The following SLCO1B1 variants were observed in gnomAD, a reference collection of about 807,000 sequenced individuals.
SLCO1B1 encodes the protein solute carrier organic anion transporter family member 1B1.
In SLCO1B1, 81 loss-of-function variants were observed where a neutral mutation model predicts 70.1. The observed-to-expected ratio is 1.16, with a 90% CI of 0.97 to 1.39. The LOEUF (loss-of-function observed/expected upper bound fraction) is 1.39, where lower values mean the gene tolerates loss of function less well. Among genes scored for constraint, SLCO1B1 ranks in the 40% most tolerant of loss-of-function variants. The pLI is 0.00. For missense variants in SLCO1B1, 895 were observed against 799.6 expected (o/e 1.12, Z -1.44); for synonymous variants, 283 against 271.5 (o/e 1.04, Z -0.42).
chr12:21,175,924 A>G (rs1010887999), intron 4 of SLCO1B1, among the ~76,000 whole-genome samples: 1 of 152,142 alleles, frequency 6.6e-6, no homozygotes, highest in Non-Finnish European at 1.5e-5. Context: ...TAAATATGCC[A>G]TAATATGTGA....
intron 1 of SLCO1B1, among the ~76,000 whole-genome samples, chr12:21,134,343 C>G (rs1317167262): frequency 6.6e-6 from 1 of 152,142 alleles, no homozygotes; most frequent in Non-Finnish European, 1.5e-5. Context: ...TGATGCTGGC[C>G]TCATAAAATG....
At chr12:21,145,178 A>T (rs1940363816) in intron 2 of SLCO1B1, among the ~76,000 whole-genome samples, 1 of 152,226 alleles carries the variant, frequency 6.6e-6, no homozygotes, top group Admixed American at 6.5e-5. Context: ...ATGTATCATG[A>T]CATCCATAAG....
chr12:21,191,261 T>TG (rs1941026089), intron 7 of SLCO1B1, among the ~76,000 whole-genome samples: 1 of 151,944 alleles, frequency 6.6e-6, no homozygotes, highest in South Asian at 2.1e-4. Flanking sequence ...GTCCTTCAAT[T>TG]ATTAACACAG....
At chr12:21,198,322 A>G (rs926163742) in intron 8 of SLCO1B1, among the ~76,000 whole-genome samples, 1 of 152,124 alleles carries the variant, frequency 6.6e-6, no homozygotes, top group Non-Finnish European at 1.5e-5. Flanking sequence ...CTACAAGTAG[A>G]AGTTTGTTTT....
intron 14 of SLCO1B1, among the ~76,000 whole-genome samples, chr12:21,231,562 G>C (rs1941538483): frequency 6.6e-6 from 1 of 151,246 alleles, no homozygotes; most frequent in Non-Finnish European, 1.5e-5. Context: ...ACTCAAGTGA[G>C]AAAAATAAAT....
At chr12:21,222,449 AAATTT>A (rs1351037101) in intron 13 of SLCO1B1, 85 bp downstream of exon 13, 1 of 263,242 alleles carries the variant, frequency 3.8e-6, no homozygotes, top group African/African-American at 2.5e-5. Context: ...TACATATATT[AAATTT>A]AAGTTATAAA....
chr12:21,214,986 C>T (rs1008297086), intron 11 of SLCO1B1, among the ~76,000 whole-genome samples: 45 of 152,070 alleles, frequency 3.0e-4, no homozygotes, highest in Non-Finnish European at 4.6e-4. Flanking sequence ...TGAGATGAAC[C>T]CGGTACCTCA....
Position 21,211,546 on chromosome 12 carries a change from G to A in SLCO1B1, c.1497+5513G>A, listed in dbSNP as rs371409937. ...TCTTTTTTTGTTGTGTCTCTGCCTG[G>A]CTTTGGTATCAGAATGATGCTGGCC... On this transcript the variant is annotated intron_variant, in intron 11 of 14. Transcript: ENST00000256958. 7.8e-4 allele frequency among the ~76,000 whole-genome samples: 119 copies of A among 152,292 alleles called. No homozygotes were observed. In the East Asian group the frequency reaches 0.021, roughly 26 times the overall value.
At chr12:21,181,959 A>T (rs1008929814) in intron 7 of SLCO1B1, among the ~76,000 whole-genome samples, 2 of 152,232 alleles carry the variant, frequency 1.3e-5, no homozygotes, top group Non-Finnish European at 2.9e-5. Flanking sequence ...CAAATCTATT[A>T]TAAGAAATTA....
intron 2 of SLCO1B1, among the ~76,000 whole-genome samples, chr12:21,160,180 GC>G (rs1191673454): frequency 1.4e-5 from 2 of 145,534 alleles, no homozygotes; most frequent in African/African-American, 5.1e-5. Context: ...GACAATCTAA[GC>G]AAAAAGAATA....
intron 12 of SLCO1B1, among the ~76,000 whole-genome samples, chr12:21,220,762 G>A (rs1390770746): frequency 6.6e-6 from 1 of 151,206 alleles, no homozygotes; most frequent in Non-Finnish European, 1.5e-5. Context: ...AGGCTGCAGT[G>A]AGCCAAGATC....
chr12:21,138,773 A>AG (rs4149090), intron 1 of SLCO1B1, among the ~76,000 whole-genome samples: 136,332 of 152,082 alleles, frequency 0.9, 61,456 homozygotes, highest in South Asian at 0.97. Context: ...TACAACCAAG[A>AG]ATGGAGAATG....
intron 2 of SLCO1B1, among the ~76,000 whole-genome samples, chr12:21,151,392 C>T (rs1192223820): frequency 6.6e-6 from 1 of 152,092 alleles, no homozygotes; most frequent in Non-Finnish European, 1.5e-5. Context: ...CGTCATACCA[C>T]TTCATGGGTA....
chr12:21,164,695 G>C (rs1291592104), intron 2 of SLCO1B1, among the ~76,000 whole-genome samples: 3 of 151,968 alleles, frequency 2.0e-5, no homozygotes, highest in African/African-American at 7.3e-5. Context: ...TCACTTCTTA[G>C]GGGCTTTTCA....
At position 21,200,383 on chromosome 12, in the gene SLCO1B1, T is replaced by G. The variant is rs12312746; in HGVS notation, c.971-125T>G. 2,943 of 548,020 alleles carry G rather than the reference T, an allele frequency of 5.4e-3. 63 individuals are homozygous for G. The highest frequency in any genetic ancestry group is 0.034 in the South Asian group (1,137 of 33,022). The allele number at this position is 548,020 out of a possible 1,614,324, so 33.9% of individuals were successfully genotyped here. A position where few individuals can be genotyped will look rare whatever the true frequency, so the allele number is the denominator to read the frequency against. On this transcript the variant is annotated intron_variant, in intron 8 of 14. Transcript: ENST00000256958. ...AACAGCCTGTGGTATTGCAGGCTAT[T>G]CTCACTCTTTGTGTTATGTGTTTAT...
At chr12:21,229,046 A>G (rs899037352) in intron 14 of SLCO1B1, among the ~76,000 whole-genome samples, 1 of 152,148 alleles carries the variant, frequency 6.6e-6, no homozygotes, top group Non-Finnish European at 1.5e-5. Context: ...ATACATAAAA[A>G]GTTAAATTGT....
At chr12:21,202,262 A>T (rs913766532) in intron 9 of SLCO1B1, among the ~76,000 whole-genome samples, 1 of 152,090 alleles carries the variant, frequency 6.6e-6, no homozygotes, top group Non-Finnish European at 1.5e-5. Context: ...TAATGCATTC[A>T]GGGGTTAAAA....
chr12:21,232,691 C>CAGAG (rs374462905), intron 14 of SLCO1B1, among the ~76,000 whole-genome samples: 39 of 143,212 alleles, frequency 2.7e-4, no homozygotes, highest in African/African-American at 8.0e-4. Context: ...CACACACACA[C>CAGAG]AGAGAGAGAG....
chr12:21,175,181 A>G (rs1042489361), intron 4 of SLCO1B1, among the ~76,000 whole-genome samples: 2 of 152,154 alleles, frequency 1.3e-5, no homozygotes, highest in Non-Finnish European at 2.9e-5. Context: ...TTCACATTAC[A>G]GTTAATGTAG....
Sources: gnomAD v4.1 joint callset for allele counts (sites outside exome capture counted in the v4.1 genomes callset) on GRCh38, gnomAD v4.1.1 for gene constraint, MANE v1.5 for transcripts, NCBI Gene and HGNC (gene_info 2026-07-23, HGNC 2026-07-21) for gene names.